CLDN16: variants seen among roughly 807,000 people sequenced by gnomAD.
CLDN16 encodes claudin 16, also known as claudin-16.
CLDN16 carries 13 observed loss-of-function variants against 24.6 expected under a neutral mutation model. The observed-to-expected ratio is 0.53, with a 90% confidence interval of 0.34 to 0.84. The LOEUF is 0.84. CLDN16 is among the 40% of genes least tolerant of loss of function. The pLI is 0.01. For missense variants in CLDN16, 298 were observed against 292.7 expected (o/e 1.02, Z -0.13); for synonymous variants, 116 against 106.7 (o/e 1.09, Z -0.54).
In CLDN16 at chr3:190,410,112, C is replaced by A. The variant is rs1351477777; in HGVS notation, c.*76C>A. On this transcript the variant is annotated 3_prime_UTR_variant, in exon 5 of 5. Coordinates refer to ENST00000264734, the MANE Select transcript of CLDN16 (RefSeq NM_006580.4). ...TACATTGATAAAATAGTAAGTCAAT[C>A]CAGGAACAGTTATTTAGAATTCATA... is the stretch of plus-strand genomic sequence containing the variant. 2.7e-6 allele frequency: 4 copies of A among 1,475,380 alleles called. No homozygotes were observed. The highest frequency in any genetic ancestry group is 3.8e-6 in the Non-Finnish European group (4 of 1,053,902). The allele number at this position is 1,475,380 out of a possible 1,614,324, so 91.4% of individuals were successfully genotyped here.
At chr3:190,358,263 T>G (rs1441513626) in intron 1 of CLDN16, among the ~76,000 whole-genome samples, 13 of 151,954 alleles carry the variant, frequency 8.6e-5, no homozygotes. Context: ...TTTTATGTCA[T>G]AATAAGAGCC....
intron 4 of CLDN16, 48 bp downstream of exon 4, chr3:190,408,553 T>C (rs1469164848): frequency 6.5e-7 from 1 of 1,540,814 alleles, no homozygotes; most frequent in African/African-American, 1.4e-5. Flanking sequence ...ACTATCGTTT[T>C]TCCCAATCCA....
chr3:190,291,640 A>G, the CLDN16 span, among the ~76,000 whole-genome samples: 2 of 152,106 alleles, frequency 1.3e-5, no homozygotes, highest in African/African-American at 4.8e-5. Context: ...CCTCTTAAAT[A>G]TTACATCTTT....
intron 1 of CLDN16, among the ~76,000 whole-genome samples, chr3:190,399,509 C>CA (rs532153086): frequency 0.01 from 657 of 64,460 alleles, 6 homozygotes; most frequent in Non-Finnish European, 0.015. Context: ...GACTCTGCCT[C>CA]AAAAAAAATT....
In CLDN16 at chr3:190,365,994, C is replaced by G. The variant is rs534419505; in HGVS notation, n.122-4899C>G. Among the ~76,000 whole-genome samples the G allele has an allele frequency of 1.3e-4, 20 of 152,002 alleles. 1 individual carries two copies. In the South Asian group the frequency reaches 3.9e-3, roughly 30 times the overall value. On this transcript the variant is annotated intron_variant and non_coding_transcript_variant, in intron 1 of 4. Transcript: ENST00000468220. ...AACTTGAAGAAATGGGCCACTCTTA[C>G]AACCAGAGAGGATTCATGTTCGGAA...
chr3:190,314,896 C>A, the CLDN16 span, among the ~76,000 whole-genome samples: 4 of 152,214 alleles, frequency 2.6e-5, no homozygotes, highest in South Asian at 4.2e-4. Flanking sequence ...TCTCAAGATT[C>A]CAGGTGGCAG....
chr3:190,384,002 A>G (rs900739725), upstream of CLDN16, among the ~76,000 whole-genome samples: 1 of 152,190 alleles, frequency 6.6e-6, no homozygotes, highest in African/African-American at 2.4e-5. Context: ...TTTATTGACA[A>G]GAAGGCAGCC....
intron 2 of CLDN16, among the ~76,000 whole-genome samples, chr3:190,403,854 A>G (rs1189607301): frequency 6.6e-6 from 1 of 152,216 alleles, no homozygotes; most frequent in Admixed American, 6.5e-5. Flanking sequence ...ATAGGAATGG[A>G]CATTTTGTCT....
At chr3:190,381,546 T>TC (rs1718372946) in intron 3 of CLDN16, among the ~76,000 whole-genome samples, 1 of 152,122 alleles carries the variant, frequency 6.6e-6, no homozygotes, top group Non-Finnish European at 1.5e-5. Flanking sequence ...TAATACTTAC[T>TC]CCTACTGCCT....
At chr3:190,391,124 G>GTGTTT (rs1718648296) in intron 1 of CLDN16, among the ~76,000 whole-genome samples, 3 of 149,820 alleles carry the variant, frequency 2.0e-5, no homozygotes, top group African/African-American at 7.3e-5. Context: ...AACGAAACAA[G>GTGTTT]TGTTTTGTTT....
intron 1 of CLDN16, among the ~76,000 whole-genome samples, chr3:190,369,927 A>C (rs1024937793): frequency 6.6e-6 from 1 of 152,006 alleles, no homozygotes; most frequent in Non-Finnish European, 1.5e-5. Flanking sequence ...GAAACCTGTG[A>C]TGTTTTCACA....
At chr3:190,314,358 T>C in the CLDN16 span, among the ~76,000 whole-genome samples, 1 of 152,186 alleles carries the variant, frequency 6.6e-6, no homozygotes, top group Admixed American at 6.5e-5. Context: ...CTGTCTTTGC[T>C]ATAACCAGGC....
In CLDN16 at chr3:190,404,343, A is replaced by G. The variant is rs190682003; in HGVS notation, c.218-419A>G. Among the ~76,000 whole-genome samples the G allele has an allele frequency of 3.9e-5, 6 of 152,324 alleles. No individual in the cohort carries two copies. The East Asian group carries it at 1.2e-3, about 29-fold the overall frequency. ...TTAGCCAATTATTATTTTTAAATAA[A>G]AAAAAATTAAAGTGATTATTTATTC... On this transcript the variant is annotated intron_variant, in intron 2 of 4. Transcript: ENST00000264734.
chr3:190,298,053 T>C, the CLDN16 span, among the ~76,000 whole-genome samples: 1 of 152,054 alleles, frequency 6.6e-6, no homozygotes, highest in Non-Finnish European at 1.5e-5. Flanking sequence ...GACATAAAAA[T>C]AGAGGAATTT....
intron 1 of CLDN16, among the ~76,000 whole-genome samples, chr3:190,335,768 G>A (rs1717290555): frequency 6.7e-6 from 1 of 148,892 alleles, no homozygotes; most frequent in Non-Finnish European, 1.5e-5. Flanking sequence ...TAAATGACTT[G>A]CATAAAATTA....
At chr3:190,337,381 G>A (rs572364933) in intron 1 of CLDN16, among the ~76,000 whole-genome samples, 18 of 152,166 alleles carry the variant, frequency 1.2e-4, no homozygotes, top group South Asian at 6.2e-4. Flanking sequence ...TCACCATTAC[G>A]TGTTAACCCT....
chr3:190,310,788 G>C, the CLDN16 span, among the ~76,000 whole-genome samples: 3 of 152,102 alleles, frequency 2.0e-5, no homozygotes, highest in Non-Finnish European at 4.4e-5. Flanking sequence ...ATTGGCCAAG[G>C]GAATACCTGA....
the CLDN16 span, among the ~76,000 whole-genome samples, chr3:190,304,395 A>C: frequency 6.6e-6 from 1 of 152,162 alleles, no homozygotes; most frequent in Non-Finnish European, 1.5e-5. Context: ...CCTGCATTTA[A>C]TGAGGCTGGC....
rs753102053 is a variant in CLDN16 at position 190,404,820 on chromosome 3, A to G, written c.276A>G (p.Gly92=). ...CTGCAGATATTCTAGCTGGGTTTGG[A>G]TTTCTCACCCTGCTCCTTGGTCTTG... ...MITADILAGF[G]FLTLLLGLDC... The change falls in exon 3 of 5, where the codon GGA becomes GGG. Residue 92 remains glycine, a synonymous_variant. Transcript: ENST00000264734. 2.5e-6 allele frequency: 4 copies of G among 1,613,822 alleles called. No homozygotes were observed. The East Asian group carries it at 6.7e-5, about 27-fold the overall frequency.
Sources: gnomAD v4.1 joint callset for allele counts (sites outside exome capture counted in the v4.1 genomes callset) on GRCh38, gnomAD v4.1.1 for gene constraint, MANE v1.5 for transcripts, NCBI Gene and HGNC (gene_info 2026-07-23, HGNC 2026-07-21) for gene names.